The following MGAT5 variants were observed in gnomAD, a reference collection of about 807,000 sequenced individuals.
The protein encoded by MGAT5 is alpha-1,6-mannosylglycoprotein 6-beta-N-acetylglucosaminyltransferase A.
Under a neutral mutation model 94.3 loss-of-function variants are expected in MGAT5, and 30 were observed. That is an observed-to-expected ratio of 0.32 (90% confidence interval 0.24 to 0.43). MGAT5 has a LOEUF of 0.43. Among genes scored for constraint, MGAT5 ranks in the 20% least tolerant of loss-of-function variants. MGAT5 has a pLI of 1.00. For synonymous variants in MGAT5, 310 were observed against 322.9 expected, an observed-to-expected ratio of 0.96 and a Z score of 0.43; for missense variants, 691 against 905.5, an observed-to-expected ratio of 0.76 and a Z score of 3.04.
At chr2:134,367,752 T>A (rs1317248240) in intron 10 of MGAT5, among the ~76,000 whole-genome samples, 1 of 152,252 alleles carries the variant, frequency 6.6e-6, no homozygotes, top group African/African-American at 2.4e-5. Flanking sequence ...GTAACTTAAC[T>A]GAAATCCTGA....
chr2:134,370,028 T>A (rs1315650338), intron 10 of MGAT5, among the ~76,000 whole-genome samples: 3 of 152,216 alleles, frequency 2.0e-5, no homozygotes, highest in South Asian at 4.1e-4. Context: ...AGTCTCAGAC[T>A]AGGTGACTGC....
chr2:134,348,853 A>G (rs1000458043), intron 8 of MGAT5, among the ~76,000 whole-genome samples: 1 of 152,204 alleles, frequency 6.6e-6, no homozygotes, highest in Non-Finnish European at 1.5e-5. Context: ...CTTTCTTCCA[A>G]CTGGTTGCTC....
chr2:134,437,364 T>C (rs1005638559), intron 14 of MGAT5, among the ~76,000 whole-genome samples: 29 of 152,158 alleles, frequency 1.9e-4, no homozygotes, highest in Non-Finnish European at 4.1e-4. Flanking sequence ...GCCAAGTTTC[T>C]AAAGAGTCTT....
intron 10 of MGAT5, among the ~76,000 whole-genome samples, chr2:134,377,599 T>G: frequency 6.6e-6 from 1 of 152,142 alleles, no homozygotes. Context: ...TCCTTTACCT[T>G]CCGGTTTCTT....
upstream of MGAT5, among the ~76,000 whole-genome samples, chr2:134,250,462 T>A (rs1682527865): frequency 6.6e-6 from 1 of 152,250 alleles, no homozygotes. Flanking sequence ...TTCCTGATGA[T>A]CTTCATTGTC....
At chr2:134,145,226 G>C (rs1257619784) in intron 1 of MGAT5, among the ~76,000 whole-genome samples, 13 of 152,018 alleles carry the variant, frequency 8.6e-5, no homozygotes, top group African/African-American at 2.9e-4. Context: ...GTGTGTGTGT[G>C]TGTGTGTGTG....
rs983283282 is a variant in MGAT5, at chr2:134,454,013, C to G, written c.*5166C>G. On this transcript the variant is annotated 3_prime_UTR_variant, in exon 16 of 16. Transcript: ENST00000281923. The stretch of plus-strand genomic sequence containing the variant: ...TTTGGATTCTGTTCCGCCAAATCAG[C>G]AGTCTCGTCCTGTGGATGCAGTGAC... 6.6e-6 allele frequency: 1 copy of G among 152,204 alleles called. No individual in the cohort carries two copies. The allele number at this position is 152,204 out of a possible 1,614,324, so 9.4% of individuals were successfully genotyped here. A position where few individuals can be genotyped will look rare whatever the true frequency, so the allele number is the denominator to read the frequency against.
intron 1 of MGAT5, among the ~76,000 whole-genome samples, chr2:134,187,731 G>T (rs752407849): frequency 6.6e-6 from 1 of 152,072 alleles, no homozygotes. Context: ...AATATTGATC[G>T]GATAAGTGAA....
intron 14 of MGAT5, among the ~76,000 whole-genome samples, chr2:134,430,668 AC>A (rs1404763351): frequency 9.3e-6 from 1 of 107,912 alleles, no homozygotes; most frequent in East Asian, 2.6e-4. Flanking sequence ...ACCGCCCCCC[AC>A]CCCCACCATA....
At chr2:134,127,581 T>C (rs2104890708) in intron 1 of MGAT5, among the ~76,000 whole-genome samples, 1 of 140,664 alleles carries the variant, frequency 7.1e-6, no homozygotes, top group African/African-American at 2.6e-5. Flanking sequence ...CATGGAGCTC[T>C]CATGGGTACA....
At chr2:134,420,461 A>T (rs1329488258) in intron 12 of MGAT5, among the ~76,000 whole-genome samples, 1 of 152,218 alleles carries the variant, frequency 6.6e-6, no homozygotes, top group Non-Finnish European at 1.5e-5. Flanking sequence ...AGGCCCAGAT[A>T]ACCTGCAGTC....
At chr2:134,143,558 G>A (rs1006903996) in intron 1 of MGAT5, among the ~76,000 whole-genome samples, 6 of 152,200 alleles carry the variant, frequency 3.9e-5, no homozygotes, top group African/African-American at 1.4e-4. Context: ...TGCCTGGGAA[G>A]CGTTGGAATG....
rs182763706 is a variant in MGAT5 at position 134,299,697 on chromosome 2, A to T, written c.407-17832A>T. 1.8e-3 allele frequency among the ~76,000 whole-genome samples: 278 copies of T among 152,022 alleles called. 2 individuals carry two copies. Among genetic ancestry groups the T allele is most frequent in the African/African-American group, 6.0e-3 (250 of 41,462 alleles). The stretch of plus-strand genomic sequence containing the variant: ...CTGTCCCCTCTTTTATTCCTCATGA[A>T]TTTTTTCAGATTGGATGTGTACAGA... On this transcript the variant is annotated intron_variant, in intron 2 of 15. Transcript: ENST00000281923.
chr2:134,120,820 C>A (rs988107001), intron 1 of MGAT5, among the ~76,000 whole-genome samples: 3 of 151,846 alleles, frequency 2.0e-5, no homozygotes, highest in Non-Finnish European at 4.4e-5. Context: ...TGGCCCCGAG[C>A]CCCTAGGGAG....
At chr2:134,299,247 G>A (rs1573737939) in intron 2 of MGAT5, among the ~76,000 whole-genome samples, 2 of 152,198 alleles carry the variant, frequency 1.3e-5, no homozygotes, top group South Asian at 4.1e-4. Flanking sequence ...AGTCTTTGTA[G>A]GTATGTGCAT....
intron 10 of MGAT5, among the ~76,000 whole-genome samples, chr2:134,402,372 T>G (rs935721536): frequency 5.9e-5 from 9 of 152,210 alleles, no homozygotes; most frequent in African/African-American, 2.2e-4. Context: ...TTTATTCTCT[T>G]TTTTCTACTT....
intron 10 of MGAT5, among the ~76,000 whole-genome samples, chr2:134,380,784 G>A (rs1484663217): frequency 1.3e-5 from 2 of 152,182 alleles, no homozygotes; most frequent in Non-Finnish European, 2.9e-5. Context: ...TAACTTAACA[G>A]AGCGCAAGAA....
intron 2 of MGAT5, among the ~76,000 whole-genome samples, chr2:134,296,025 A>G (rs934803330): frequency 1.3e-5 from 2 of 152,180 alleles, no homozygotes; most frequent in African/African-American, 4.8e-5. Flanking sequence ...TGGCAGCCTC[A>G]TGCAAACATG....
chr2:134,252,561 A>AT (rs534370650), upstream of MGAT5, among the ~76,000 whole-genome samples: 11 of 152,246 alleles, frequency 7.2e-5, no homozygotes, highest in East Asian at 1.9e-3. Flanking sequence ...TCAGTTGCTG[A>AT]TTCAGTGGGT....
Sources: allele counts gnomAD v4.1 joint callset (sites outside exome capture counted in the v4.1 genomes callset), GRCh38; gene constraint gnomAD v4.1.1; transcripts MANE v1.5; gene names NCBI Gene and HGNC (gene_info 2026-07-23, HGNC 2026-07-21).